SETBP1: variants seen among roughly 807,000 people sequenced by gnomAD.
SETBP1 encodes SET binding protein 1.
A neutral mutation model predicts 101.0 loss-of-function variants in SETBP1; 9 were observed. That is an observed-to-expected ratio of 0.09 (90% CI 0.05 to 0.16). SETBP1 has a LOEUF of 0.16. Ranked by LOEUF, SETBP1 falls within the 10% of genes least tolerant of loss-of-function variation. The pLI, the probability that SETBP1 is intolerant of heterozygous loss-of-function variation, is 1.00. For missense variants in SETBP1, 1,858 were observed against 2,033.8 expected (o/e 0.91, Z 1.66); for synonymous variants, 818 against 788.5 (o/e 1.04, Z -0.63).
At chr18:44,810,156 A>G (rs1228699589) in intron 2 of SETBP1, among the ~76,000 whole-genome samples, 1 of 152,174 alleles carries the variant, frequency 6.6e-6, no homozygotes, top group Non-Finnish European at 1.5e-5. Context: ...TCTTCCCAAC[A>G]TATTCAGTCT....
chr18:44,824,499 C>A (rs1475832724), intron 2 of SETBP1, among the ~76,000 whole-genome samples: 1 of 152,176 alleles, frequency 6.6e-6, no homozygotes, highest in East Asian at 1.9e-4. Context: ...AATATCACCT[C>A]ACTAACCCAG....
upstream of SETBP1, chr18:44,680,477 C>T (rs1399026652): frequency 1.3e-5 from 2 of 152,022 alleles, no homozygotes; most frequent in African/African-American, 4.8e-5. Flanking sequence ...CTCCCGGAAC[C>T]GGGGGCGACG....
intron 4 of SETBP1, among the ~76,000 whole-genome samples, chr18:44,974,658 A>G (rs917529699): frequency 3.9e-5 from 6 of 152,128 alleles, no homozygotes; most frequent in African/African-American, 1.4e-4. Flanking sequence ...ACCCAAACAA[A>G]CCGCAAATAT....
At chr18:44,761,259 A>G (rs2070636301) in intron 2 of SETBP1, among the ~76,000 whole-genome samples, 1 of 152,204 alleles carries the variant, frequency 6.6e-6, no homozygotes, top group East Asian at 1.9e-4. Context: ...AACATTTATC[A>G]TTTCTGGTGA....
chr18:44,858,403 G>T (rs755873292), intron 2 of SETBP1, among the ~76,000 whole-genome samples: 5 of 152,212 alleles, frequency 3.3e-5, no homozygotes, highest in African/African-American at 4.8e-5. Flanking sequence ...TCAAATAGCA[G>T]TTCAAAGATA....
chr18:44,704,064 G>A (rs1361715316), intron 2 of SETBP1, among the ~76,000 whole-genome samples: 1 of 152,150 alleles, frequency 6.6e-6, no homozygotes, highest in Non-Finnish European at 1.5e-5. Context: ...CAAATTCGCT[G>A]CCCTAAAAAG....
chr18:44,809,907 A>C (rs2071825199), intron 2 of SETBP1, among the ~76,000 whole-genome samples: 1 of 152,194 alleles, frequency 6.6e-6, no homozygotes, highest in African/African-American at 2.4e-5. Context: ...AAGGGTCCCT[A>C]CACCCCATTA....
chr18:45,049,232 A>G lies in SETBP1; in HGVS notation c.4171+10577A>G, dbSNP rs149878180. Among the ~76,000 whole-genome samples the G allele has an allele frequency of 1.1e-3, 162 of 152,300 alleles. 2 individuals carry two copies. Among genetic ancestry groups the G allele is most frequent in the African/African-American group, 3.8e-3 (158 of 41,574 alleles). ...GAGTTAAGATGGACTTCTAAAGATA[A>G]ACTGAATTAGGTAAGCAGACAGAAG... On this transcript the variant is annotated intron_variant, in intron 5 of 5. Coordinates refer to ENST00000649279, the MANE Select transcript of SETBP1 (RefSeq NM_015559.3).
At chr18:44,984,598 A>G (rs576257464) in intron 4 of SETBP1, among the ~76,000 whole-genome samples, 1 of 152,298 alleles carries the variant, frequency 6.6e-6, no homozygotes, top group Admixed American at 6.5e-5. Flanking sequence ...CTATAACTAC[A>G]GAATGATGTA....
chr18:44,837,319 A>G (rs1007022522), intron 2 of SETBP1, among the ~76,000 whole-genome samples: 3 of 152,242 alleles, frequency 2.0e-5, no homozygotes, highest in Admixed American at 2.0e-4. Context: ...TAGTCCCTGT[A>G]TCAACACTCA....
intron 2 of SETBP1, among the ~76,000 whole-genome samples, chr18:44,736,829 G>A (rs965181604): frequency 3.3e-5 from 5 of 152,172 alleles, no homozygotes; most frequent in African/African-American, 9.7e-5. Flanking sequence ...TGGAAAAGAG[G>A]TATTGCTGGA....
At chr18:44,853,065 G>A (rs1452058972) in intron 2 of SETBP1, among the ~76,000 whole-genome samples, 1 of 152,164 alleles carries the variant, frequency 6.6e-6, no homozygotes, top group Non-Finnish European at 1.5e-5. Context: ...GGCCAAAAGA[G>A]TTTGAAAGAG....
intron 2 of SETBP1, among the ~76,000 whole-genome samples, chr18:44,730,779 T>A (rs2069822641): frequency 6.6e-6 from 1 of 152,186 alleles, no homozygotes; most frequent in African/African-American, 2.4e-5. Flanking sequence ...GGTTTCTAGA[T>A]GATAAGATTG....
chr18:44,814,884 C>T (rs570268014), intron 2 of SETBP1, among the ~76,000 whole-genome samples: 1 of 152,244 alleles, frequency 6.6e-6, no homozygotes, highest in South Asian at 2.1e-4. Context: ...GTAGAGGTGG[C>T]TATTAAGATA....
At chr18:44,736,479 A>G (rs1425400044) in intron 2 of SETBP1, among the ~76,000 whole-genome samples, 2 of 152,192 alleles carry the variant, frequency 1.3e-5, no homozygotes, top group South Asian at 4.1e-4. Flanking sequence ...TAAGGATGTC[A>G]TTACCCTAAG....
At chr18:44,851,036 G>A (rs916897525) in intron 2 of SETBP1, among the ~76,000 whole-genome samples, 1 of 152,156 alleles carries the variant, frequency 6.6e-6, no homozygotes, top group African/African-American at 2.4e-5. Context: ...GGTGTGGAGG[G>A]GGTCCTGAAG....
intron 2 of SETBP1, among the ~76,000 whole-genome samples, chr18:44,854,233 A>T (rs1466984090): frequency 6.6e-6 from 1 of 152,202 alleles, no homozygotes; most frequent in Admixed American, 6.5e-5. Flanking sequence ...TAGCAAGCAG[A>T]TGAGAGGGGG....
rs1467493763 is a variant in SETBP1, at chr18:44,701,566, A to T, written c.220A>T (p.Asn74Tyr). 6.2e-7 allele frequency: 1 copy of T among 1,614,210 alleles called. No homozygotes were observed. The highest frequency in any genetic ancestry group is 2.2e-5 in the East Asian group (1 of 44,876). Residue 74 changes from asparagine (N) to tyrosine (Y), a missense_variant, in exon 2 of 6, where the codon AAC becomes TAC. Coordinates refer to ENST00000649279, the MANE Select transcript of SETBP1 (RefSeq NM_015559.3). ...GSGRDVDSNS[N>Y]ADSEKWVAGD... ...AGGGCGGGATGTGGATTCCAACTCC[A>T]ACGCGGACAGTGAGAAATGGGTGGC... is the stretch of plus-strand genomic sequence containing the variant.
intron 2 of SETBP1, among the ~76,000 whole-genome samples, chr18:44,776,816 T>A (rs2071013738): frequency 6.6e-6 from 1 of 152,174 alleles, no homozygotes; most frequent in South Asian, 2.1e-4. Context: ...TGCTGATCAG[T>A]TAATAGAGGT....
Sources: gnomAD v4.1 joint callset for allele counts (sites outside exome capture counted in the v4.1 genomes callset) on GRCh38, gnomAD v4.1.1 for gene constraint, MANE v1.5 for transcripts, NCBI Gene and HGNC (gene_info 2026-07-23, HGNC 2026-07-21) for gene names.